Variants in RAMP3 observed in about 807,000 individuals in gnomAD.
The protein encoded by RAMP3 is receptor activity modifying protein 3, also known as receptor activity-modifying protein 3.
Under a neutral mutation model 13.5 loss-of-function variants are expected in RAMP3, and 14 were observed. That is an observed-to-expected ratio of 1.04 (90% CI 0.69 to 1.63). The LOEUF is 1.63. Among genes scored for constraint, RAMP3 ranks in the 40% most tolerant of loss-of-function variants. RAMP3 has a pLI of 0.00. For missense variants in RAMP3, 200 were observed against 204.8 expected, an observed-to-expected ratio of 0.98 and a Z score of 0.14; for synonymous variants, 106 against 88.3, an observed-to-expected ratio of 1.20 and a Z score of -1.12.
intron 2 of RAMP3, 114 bp downstream of exon 2, chr7:45,177,555 C>T (rs1036318330): frequency 1.4e-6 from 2 of 1,480,472 alleles, no homozygotes; most frequent in Admixed American, 3.8e-5. Flanking sequence ...CCATGCCTCA[C>T]CCACAACCCA....
At position 45,183,359 on chromosome 7, in the gene RAMP3, G is replaced by T; in HGVS notation, c.394G>T (p.Ala132Ser). The T allele has an allele frequency of 6.2e-7, 1 of 1,613,716 alleles. No individual in the cohort carries two copies. The change falls in exon 3 of 3, where the codon GCC (alanine) becomes TCC (serine). Residue 132 changes from alanine (A) to serine (S), a missense_variant. Physicochemically the swap from Ala to Ser is moderately conservative, Grantham distance 99 (BLOSUM62 1). Transcript: ENST00000242249. ...LIVIPVVLTV[A>S]MAGLVVWRSK... Reference sequence around the variant, plus strand: ...CGTTATACCCGTCGTTCTGACTGTCGCCATGGCTGGCCTGGTGGTGTGGCG... The same window carrying T: ...CGTTATACCCGTCGTTCTGACTGTCTCCATGGCTGGCCTGGTGGTGTGGCG...
intron 1 of RAMP3, chr7:45,163,544 G>T (rs1361411968): frequency 3.0e-6 from 3 of 985,278 alleles, no homozygotes; most frequent in African/African-American, 1.7e-5. Context: ...TCGTGGAGCA[G>T]CAGCTCATGG....
At chr7:45,159,812 G>C (rs142573142) in intron 1 of RAMP3, among the ~76,000 whole-genome samples, 2 of 152,334 alleles carry the variant, frequency 1.3e-5, no homozygotes, top group Non-Finnish European at 2.9e-5. Flanking sequence ...GTATGGGAAG[G>C]CACCCACCAG....
chr7:45,162,909 G>C (rs1785891368), intron 1 of RAMP3, among the ~76,000 whole-genome samples: 1 of 152,174 alleles, frequency 6.6e-6, no homozygotes, highest in Admixed American at 6.5e-5. Context: ...TTACTCCTTG[G>C]AGTGTGGTCC....
At chr7:45,167,824 G>C (rs1227461280) in intron 1 of RAMP3, among the ~76,000 whole-genome samples, 1 of 151,868 alleles carries the variant, frequency 6.6e-6, no homozygotes, top group Non-Finnish European at 1.5e-5. Flanking sequence ...GACCTCAGGT[G>C]ATCCACCCGC....
At chr7:45,182,434 T>C (rs1334910967) in intron 2 of RAMP3, among the ~76,000 whole-genome samples, 1 of 152,060 alleles carries the variant, frequency 6.6e-6, no homozygotes, top group Non-Finnish European at 1.5e-5. Flanking sequence ...TGAGTTGACC[T>C]CTGGGTCTTG....
intron 2 of RAMP3, among the ~76,000 whole-genome samples, chr7:45,180,146 C>T (rs533958501): frequency 2.4e-4 from 37 of 152,382 alleles, no homozygotes; most frequent in Admixed American, 5.2e-4. Flanking sequence ...GAGCAAACCA[C>T]GACAAAAGAA....
At chr7:45,166,558 A>C (rs1022938766) in intron 1 of RAMP3, among the ~76,000 whole-genome samples, 1 of 152,134 alleles carries the variant, frequency 6.6e-6, no homozygotes, top group Middle Eastern at 3.2e-3. Context: ...CCTGGGTACA[A>C]GTCTTTTATC....
intron 1 of RAMP3, among the ~76,000 whole-genome samples, chr7:45,170,514 T>C (rs973254617): frequency 6.6e-6 from 1 of 152,114 alleles, no homozygotes; most frequent in Non-Finnish European, 1.5e-5. Flanking sequence ...ATTTTTTGTA[T>C]TTTTACTAGA....
At chr7:45,165,137 G>A (rs959147647) in intron 1 of RAMP3, among the ~76,000 whole-genome samples, 2 of 149,868 alleles carry the variant, frequency 1.3e-5, no homozygotes, top group Non-Finnish European at 3.0e-5. Flanking sequence ...TTTTTGTTTT[G>A]TTACTCCAGT....
chr7:45,163,120 A>C (rs929329), intron 1 of RAMP3: 218,795 of 973,940 alleles, frequency 0.22, 26,525 homozygotes, highest in African/African-American at 0.45. Context: ...AACATGAATT[A>C]TTGGTTTCAC....
At chr7:45,163,136 A>G in intron 1 of RAMP3, 1 of 984,044 alleles carries the variant, frequency 1.0e-6, no homozygotes, top group Non-Finnish European at 1.2e-6. Flanking sequence ...TTCACACCCC[A>G]GAGGCTCCCA....
chr7:45,163,438 A>C (rs1785900717), intron 1 of RAMP3: 3 of 985,302 alleles, frequency 3.0e-6, no homozygotes, highest in Non-Finnish European at 3.6e-6. Context: ...GGATACACAG[A>C]AGTGGGAGCT....
intron 1 of RAMP3, among the ~76,000 whole-genome samples, chr7:45,160,330 CAAAAAAAAAAAAAAAAAAAAAAAAAAA>C (rs34833718): frequency 5.0e-4 from 9 of 17,872 alleles, no homozygotes; most frequent in South Asian, 4.6e-3. Flanking sequence ...GACTCTGCCT[CAAAAAAAAAAAAAAAAAAAAAAAAAAA>C]AAAAAAAAAA....
rs756149972 is a variant in RAMP3, at chr7:45,159,963, G to A, written c.58+2077G>A. Among the ~76,000 whole-genome samples, 98 of 152,144 alleles carry A rather than the reference G, an allele frequency of 6.4e-4. 1 individual carries two copies. The highest frequency in any genetic ancestry group is 1.5e-4 in the Non-Finnish European group (10 of 68,034). On this transcript the variant is annotated intron_variant, in intron 1 of 2. Coordinates refer to ENST00000242249, the MANE Select transcript of RAMP3 (RefSeq NM_005856.3). ...GATGTCCTGCTGCCATGTTACCTGT[G>A]GTCATATTGATTCTACTGAATCAAG...
chr7:45,164,701 A>G (rs1785924678), intron 1 of RAMP3, among the ~76,000 whole-genome samples: 1 of 152,210 alleles, frequency 6.6e-6, no homozygotes, highest in African/African-American at 2.4e-5. Context: ...ATTGTATTGA[A>G]AAGACCCTCT....
chr7:45,173,637 G>A (rs1159732481), intron 1 of RAMP3, among the ~76,000 whole-genome samples: 1 of 151,438 alleles, frequency 6.6e-6, no homozygotes, highest in Non-Finnish European at 1.5e-5. Flanking sequence ...GAGCCCTGAT[G>A]GGCTTTGGGA....
At chr7:45,179,968 T>C (rs1786270654) in intron 2 of RAMP3, among the ~76,000 whole-genome samples, 2 of 152,262 alleles carry the variant, frequency 1.3e-5, no homozygotes. Context: ...GACTGTGGGA[T>C]GCAAGGACCT....
intron 1 of RAMP3, among the ~76,000 whole-genome samples, chr7:45,160,765 T>C (rs988033959): frequency 6.6e-6 from 1 of 152,266 alleles, no homozygotes; most frequent in Non-Finnish European, 1.5e-5. Context: ...GGCATGTTCT[T>C]TGTTTCCCAA....
Sources: gnomAD v4.1 joint callset for allele counts (sites outside exome capture counted in the v4.1 genomes callset) on GRCh38, gnomAD v4.1.1 for gene constraint, MANE v1.5 for transcripts, NCBI Gene and HGNC (gene_info 2026-07-23, HGNC 2026-07-21) for gene names.